Variants in FAAH2 observed in about 807,000 individuals in gnomAD.
FAAH2 encodes the protein fatty acid amide hydrolase 2.
Under a neutral mutation model 36.9 loss-of-function variants are expected in FAAH2, and 60 were observed. The ratio of observed to expected loss-of-function variants is 1.63; its 90% CI spans 1.32 to 2.02. The LOEUF (loss-of-function observed/expected upper bound fraction) is 2.02. FAAH2 is among the 30% of genes most tolerant of loss of function. The probability of loss-of-function intolerance (pLI) is 0.00; values close to 1 mark genes in which losing one functional copy is unlikely to be tolerated. For missense variants in FAAH2, 689 were observed against 397.5 expected (o/e 1.73, Z -6.23); for synonymous variants, 214 against 143.8 (o/e 1.49, Z -3.49).
the FAAH2 span, among the ~76,000 whole-genome samples, chrX:57,210,168 C>T: frequency 1.8e-5 from 2 of 111,212 alleles, no homozygotes; most frequent in East Asian, 2.8e-4. Context: ...TATGAAGGCA[C>T]TTTCATTTGT....
chrX:57,366,099 T>C (rs139475119), intron 5 of FAAH2, among the ~76,000 whole-genome samples: 2 of 110,223 alleles, frequency 1.8e-5, no homozygotes, highest in Admixed American at 2.0e-4. Flanking sequence ...AAGAAGACAC[T>C]CTAACTTCTA....
chrX:57,360,055 T>C (rs1481044731), intron 5 of FAAH2, among the ~76,000 whole-genome samples: 1 of 109,068 alleles, frequency 9.2e-6, no homozygotes, highest in Non-Finnish European at 1.9e-5. Flanking sequence ...ATGGTGATAG[T>C]CTTATGGAAA....
At chrX:57,165,032 AT>A in the FAAH2 span, among the ~76,000 whole-genome samples, 1 of 112,219 alleles carries the variant, frequency 8.9e-6, no homozygotes, top group African/African-American at 3.2e-5. Context: ...TGGGCATAGC[AT>A]TTTCTTTGGC....
chrX:57,193,068 C>A, the FAAH2 span, among the ~76,000 whole-genome samples: 3 of 112,188 alleles, frequency 2.7e-5, no homozygotes, highest in African/African-American at 9.7e-5. Flanking sequence ...TAAACTCTGA[C>A]CACTGGTGAG....
chrX:57,408,987 A>G (rs937836763), intron 7 of FAAH2, among the ~76,000 whole-genome samples: 5 of 111,318 alleles, frequency 4.5e-5, no homozygotes, highest in Non-Finnish European at 9.4e-5. Flanking sequence ...AGAAGCATAG[A>G]TGGTATAGCC....
At chrX:57,336,308 C>T (rs1387480689) in intron 4 of FAAH2, among the ~76,000 whole-genome samples, 1 of 108,835 alleles carries the variant, frequency 9.2e-6, no homozygotes, top group Non-Finnish European at 1.9e-5. Context: ...CCTTTACCTA[C>T]TCAAATCCTA....
At chrX:57,450,345 C>T (rs1305912119) in intron 10 of FAAH2, among the ~76,000 whole-genome samples, 1 of 110,188 alleles carries the variant, frequency 9.1e-6, no homozygotes, top group Non-Finnish European at 1.9e-5. Context: ...AAATCCCTCA[C>T]AGCAACTGAA....
intron 8 of FAAH2, among the ~76,000 whole-genome samples, chrX:57,443,841 C>T (rs1409158028): frequency 1.8e-5 from 2 of 112,063 alleles, no homozygotes; most frequent in Non-Finnish European, 3.8e-5. Context: ...CAGTCAGGAC[C>T]CTCAGTTGCA....
intron 2 of FAAH2, among the ~76,000 whole-genome samples, chrX:57,300,367 T>C (rs1033347093): frequency 8.9e-6 from 1 of 112,203 alleles, no homozygotes; most frequent in Non-Finnish European, 1.9e-5. Context: ...AAGGATTCCC[T>C]ATTTAATAAA....
chrX:57,442,238 G>A (rs767761474), intron 8 of FAAH2, among the ~76,000 whole-genome samples: 6 of 110,900 alleles, frequency 5.4e-5, no homozygotes, highest in Non-Finnish European at 1.1e-4. Context: ...TATTGTGTGG[G>A]AGTCTAAGTC....
chrX:57,324,034 G>T (rs1210687247), intron 3 of FAAH2, among the ~76,000 whole-genome samples: 1 of 111,823 alleles, frequency 8.9e-6, no homozygotes, highest in Admixed American at 9.5e-5. Context: ...GTAAGGAAGG[G>T]ATCCAGTTTC....
chrX:57,358,909 C>T (rs28801084), intron 5 of FAAH2, among the ~76,000 whole-genome samples: 1 of 110,853 alleles, frequency 9.0e-6, no homozygotes, highest in Non-Finnish European at 1.9e-5. Flanking sequence ...TTTGTGGGTA[C>T]ATAGTAGGTG....
intron 7 of FAAH2, among the ~76,000 whole-genome samples, chrX:57,422,129 A>T (rs2056051649): frequency 8.9e-6 from 1 of 111,780 alleles, no homozygotes; most frequent in Non-Finnish European, 1.9e-5. Flanking sequence ...ATACCAGGGG[A>T]TGTGTTAATT....
chrX:57,203,899 C>G, the FAAH2 span, among the ~76,000 whole-genome samples: 1 of 111,962 alleles, frequency 8.9e-6, no homozygotes, highest in Non-Finnish European at 1.9e-5. Context: ...ACAGTTTCCA[C>G]AAATCCTTAT....
At chrX:57,316,212 C>T (rs937077252) in intron 3 of FAAH2, among the ~76,000 whole-genome samples, 3 of 110,719 alleles carry the variant, frequency 2.7e-5, no homozygotes, top group Admixed American at 9.6e-5. Flanking sequence ...AGAACACTGC[C>T]GAAAGAAACC....
In FAAH2 at chrX:57,354,700, GTAAAAAGAAAATTGAGA is replaced by G. The variant is rs941056904; in HGVS notation, c.742+13319_742+13335del. On this transcript the variant is annotated intron_variant, in intron 5 of 10. Transcript: ENST00000374900. ...TCTTGTACTTTATGAATTTAACTAT[GTAAAAAGAAAATTGAGA>G]TAAAAAGACTAAGGGAACATATGAA... Among the ~76,000 whole-genome samples, 5 of 110,506 alleles carry G rather than the reference GTAAAAAGAAAATTGAGA, an allele frequency of 4.5e-5. No homozygotes were observed. In the Admixed American group the frequency reaches 4.8e-4, roughly 11 times the overall value.
At chrX:57,235,113 G>A in the FAAH2 span, among the ~76,000 whole-genome samples, 1 of 110,973 alleles carries the variant, frequency 9.0e-6, no homozygotes, top group African/African-American at 3.3e-5. Context: ...GTGTGTAGCA[G>A]TGGTGTATGA....
intron 5 of FAAH2, among the ~76,000 whole-genome samples, chrX:57,371,484 T>C (rs1168994962): frequency 1.8e-5 from 2 of 111,614 alleles, no homozygotes; most frequent in African/African-American, 3.3e-5. Context: ...CAATCCACCA[T>C]TGATGGGCAC....
At chrX:57,352,951 A>G (rs1171540393) in intron 5 of FAAH2, among the ~76,000 whole-genome samples, 2 of 110,848 alleles carry the variant, frequency 1.8e-5, no homozygotes, top group Non-Finnish European at 3.8e-5. Context: ...AAAGCAATTG[A>G]AGATTTCAAA....
Sources: gnomAD v4.1 joint callset for allele counts (sites outside exome capture counted in the v4.1 genomes callset) on GRCh38, gnomAD v4.1.1 for gene constraint, MANE v1.5 for transcripts, NCBI Gene and HGNC (gene_info 2026-07-23, HGNC 2026-07-21) for gene names.